The following PLB1 variants were observed in gnomAD, a reference collection of about 807,000 sequenced individuals.
PLB1 encodes phospholipase B1.
PLB1 carries 242 observed loss-of-function variants against 227.4 expected under a neutral mutation model. The observed-to-expected ratio is 1.06, with a 90% confidence interval of 0.96 to 1.18. PLB1 has a LOEUF of 1.18. Among genes scored for constraint, PLB1 ranks in the 50% most tolerant of loss-of-function variants. PLB1 has a pLI of 0.00. For missense variants in PLB1, 1,858 were observed against 1,816.3 expected, an observed-to-expected ratio of 1.02 and a Z score of -0.42; for synonymous variants, 757 against 682.2, an observed-to-expected ratio of 1.11 and a Z score of -1.71.
Position 28,609,858 on chromosome 2 carries a change from C to T in PLB1, c.3129+3291C>T, listed in dbSNP as rs559713178. Among the ~76,000 whole-genome samples the T allele has an allele frequency of 7.0e-4, 107 of 152,320 alleles. 2 individuals are homozygous for T. The highest frequency in any genetic ancestry group is 3.7e-3 in the Admixed American group (57 of 15,312). Reference sequence around the variant, plus strand: ...ATCTAATAGGATTCTTCCCACCTGTCCCTCTTCCTTTTCCCACTGCCACTG... The same window carrying T: ...ATCTAATAGGATTCTTCCCACCTGTTCCTCTTCCTTTTCCCACTGCCACTG... On this transcript the variant is annotated intron_variant, in intron 43 of 57. Coordinates refer to ENST00000327757, the MANE Select transcript of PLB1 (RefSeq NM_153021.5).
intron 29 of PLB1, among the ~76,000 whole-genome samples, chr2:28,590,917 C>G (rs185748814): frequency 6.6e-6 from 1 of 152,154 alleles, no homozygotes; most frequent in Non-Finnish European, 1.5e-5. Flanking sequence ...GGCGCGTTCC[C>G]GTGAAGCATG....
intron 45 of PLB1, 98 bp from the exon 46 acceptor site, chr2:28,618,243 G>C: frequency 1.8e-6 from 2 of 1,097,132 alleles, no homozygotes; most frequent in Non-Finnish European, 2.8e-6. Context: ...GTACAATGGG[G>C]AGCAGTGGGA....
Position 28,563,101 on chromosome 2 carries a change from T to C in PLB1, c.1206+2T>C. On this transcript the variant is annotated splice_donor_variant, in intron 18 of 57. Coordinates refer to ENST00000327757, the MANE Select transcript of PLB1 (RefSeq NM_153021.5). LOFTEE classifies it high-confidence loss of function. ...GGAGCCCTGGGTGACTCTCTCACGG[T>C]AAGTGACCCTGATGCAGAAGGGGCA... is the stretch of plus-strand genomic sequence containing the variant. The C allele has an allele frequency of 6.2e-7, 1 of 1,611,690 alleles. No homozygotes were observed. The highest frequency in any genetic ancestry group is 8.5e-7 in the Non-Finnish European group (1 of 1,177,884).
At chr2:28,578,899 A>C in intron 22 of PLB1, among the ~76,000 whole-genome samples, 1 of 152,074 alleles carries the variant, frequency 6.6e-6, no homozygotes, top group Non-Finnish European at 1.5e-5. Flanking sequence ...GGAAGTGTAG[A>C]TCAGGGAAGC....
rs749185463 is a variant in PLB1 at position 28,525,266 on chromosome 2, G to A, written c.244-1G>A. 5.6e-6 allele frequency: 9 copies of A among 1,613,198 alleles called. No homozygotes were observed. The highest frequency in any genetic ancestry group is 6.8e-6 in the Non-Finnish European group (8 of 1,179,898). On this transcript the variant is annotated splice_acceptor_variant, in intron 4 of 57. Transcript: ENST00000327757. LOFTEE classifies it high-confidence loss of function. ...GTGTTAACATTGAGTATCTATTCCA[G>A]CCTCCAGACCCAGGGACGGGCGATC...
intron 1 of PLB1, among the ~76,000 whole-genome samples, chr2:28,507,795 G>A (rs541880206): frequency 6.6e-6 from 1 of 152,340 alleles, no homozygotes; most frequent in East Asian, 1.9e-4. Context: ...ACAGGAGGGT[G>A]CACTGGTCTC....
At chr2:28,579,800 T>C (rs759120528) in intron 23 of PLB1, 93 bp downstream of exon 23, 12 of 1,077,356 alleles carry the variant, frequency 1.1e-5, no homozygotes, top group Admixed American at 3.5e-5. Flanking sequence ...TACAGCTAAG[T>C]TGGGACTCAG....
intron 26 of PLB1, among the ~76,000 whole-genome samples, chr2:28,588,938 G>T (rs1047800146): frequency 2.0e-5 from 3 of 152,060 alleles, no homozygotes; most frequent in Non-Finnish European, 4.4e-5. Flanking sequence ...GGCCGAGGCG[G>T]GTGGATCACG....
chr2:28,566,437 A>C, intron 19 of PLB1: 1 of 203,588 alleles, frequency 4.9e-6, no homozygotes, highest in Admixed American at 5.6e-5. Context: ...AGAAAAAAAT[A>C]GGGCCAATAA....
chr2:28,532,337 G>T, intron 9 of PLB1, 143 bp downstream of exon 9: 2 of 542,086 alleles, frequency 3.7e-6, no homozygotes, highest in Non-Finnish European at 6.5e-6. Context: ...TGGATGGATG[G>T]ATGGATGGAT....
At chr2:28,503,935 C>A (rs111635179) in intron 1 of PLB1, among the ~76,000 whole-genome samples, 1 of 152,174 alleles carries the variant, frequency 6.6e-6, no homozygotes, top group Admixed American at 6.5e-5. Flanking sequence ...CAGGATGAGA[C>A]GAAATGCTGT....
In PLB1 at chr2:28,641,011, C is replaced by T. The variant is rs200312264; in HGVS notation, c.4173+10C>T. 6.2e-6 allele frequency: 10 copies of T among 1,612,046 alleles called. No homozygotes were observed. Among genetic ancestry groups the T allele is most frequent in the African/African-American group, 5.3e-5 (4 of 74,962 alleles). ...CAAGTGCCCCTCTCCTGTGAGTAAACGTCCTGCCTGCCCCAGGTGGAACAG... is the reference window on the plus strand; with the variant it reads ...CAAGTGCCCCTCTCCTGTGAGTAAATGTCCTGCCTGCCCCAGGTGGAACAG... On this transcript the variant is annotated intron_variant, in intron 57 of 57. Coordinates refer to ENST00000327757, the MANE Select transcript of PLB1 (RefSeq NM_153021.5).
rs776491318 is a variant in PLB1 at position 28,619,519 on chromosome 2, G to GTTTTTTTTTTTT, written c.3316-742_3316-741insTTTTTTTTTTTT. ...ATCTGTTACTTTTGTAAATTTCAAGGTTTTGTTTTTTTTTTTTTTTTTAAG... is the reference window on the plus strand; with the variant it reads ...ATCTGTTACTTTTGTAAATTTCAAGGTTTTTTTTTTTTTTTTGTTTTTTTTTTTTTTTTTAAG... On this transcript the variant is annotated intron_variant, in intron 46 of 57. Transcript: ENST00000327757. 1.6e-5 allele frequency among the ~76,000 whole-genome samples: 2 copies of GTTTTTTTTTTTT among 124,610 alleles called. 1 individual carries two copies. The allele number at this position is 124,610 out of a possible 152,430, so 81.7% of individuals were successfully genotyped here.
intron 1 of PLB1, among the ~76,000 whole-genome samples, chr2:28,501,674 T>C (rs1447216874): frequency 6.6e-6 from 1 of 152,226 alleles, no homozygotes; most frequent in Non-Finnish European, 1.5e-5. Flanking sequence ...ATATCCTTTT[T>C]CTTTTTGAGA....
intron 14 of PLB1, 92 bp from the exon 15 acceptor site, chr2:28,548,768 G>A (rs1673712618): frequency 2.4e-6 from 3 of 1,239,164 alleles, no homozygotes; most frequent in Non-Finnish European, 2.4e-6. Context: ...CCCTGGTACT[G>A]CTGCTGGACT....
In PLB1 at chr2:28,582,251, A is replaced by G. The variant is rs949251759; in HGVS notation, c.1632+118A>G. On this transcript the variant is annotated intron_variant, in intron 24 of 57. Coordinates refer to ENST00000327757, the MANE Select transcript of PLB1 (RefSeq NM_153021.5). ...ACCTTTGTTGTGGATCCCAGCCCAA[A>G]TGCATAGAGGGGGAGCAGGGACGGG... 1.5e-5 allele frequency: 19 copies of G among 1,282,480 alleles called. No individual in the cohort carries two copies. The South Asian group carries it at 2.2e-4, about 15-fold the overall frequency. 79.4% of individuals were successfully genotyped at this position (1,282,480 alleles called of 1,614,324 possible).
At chr2:28,585,699 C>G (rs1196927765) in intron 25 of PLB1, 62 bp from the exon 26 acceptor site, 1 of 1,319,398 alleles carries the variant, frequency 7.6e-7, no homozygotes, top group South Asian at 1.2e-5. Flanking sequence ...AGCGTTTCTG[C>G]ATCACTTATT....
rs1163622387 is a variant in PLB1, at chr2:28,597,863, C to T, written c.2322-142C>T. On this transcript the variant is annotated intron_variant, in intron 33 of 57. Coordinates refer to ENST00000327757, the MANE Select transcript of PLB1 (RefSeq NM_153021.5). ...GCTTAAAAATTTTCTCAGAATTCCTCAAACTCAGAGATGGGTCTGGCCCAT... is the reference window on the plus strand; with the variant it reads ...GCTTAAAAATTTTCTCAGAATTCCTTAAACTCAGAGATGGGTCTGGCCCAT... 5.1e-6 allele frequency: 4 copies of T among 788,604 alleles called. No individual in the cohort carries two copies. The East Asian group carries it at 1.0e-4, about 20-fold the overall frequency. 48.9% of individuals were successfully genotyped at this position (788,604 alleles called of 1,614,324 possible). A position where few individuals can be genotyped will look rare whatever the true frequency, so the allele number is the denominator to read the frequency against.
intron 1 of PLB1, among the ~76,000 whole-genome samples, chr2:28,499,527 T>G (rs1414031250): frequency 1.3e-5 from 2 of 151,950 alleles, no homozygotes; most frequent in East Asian, 1.9e-4. Flanking sequence ...ACAACAGTTT[T>G]TTTTTTTTTT....
Sources: allele counts gnomAD v4.1 joint callset (sites outside exome capture counted in the v4.1 genomes callset), GRCh38; gene constraint gnomAD v4.1.1; transcripts MANE v1.5; gene names NCBI Gene and HGNC (gene_info 2026-07-23, HGNC 2026-07-21).